TMTC2: variants seen among roughly 807,000 people sequenced by gnomAD.
The protein encoded by TMTC2 is transmembrane O-mannosyltransferase targeting cadherins 2, also known as protein O-mannosyl-transferase TMTC2.
A neutral mutation model predicts 82.4 loss-of-function variants in TMTC2; 43 were observed. The observed-to-expected ratio is 0.52, with a 90% CI of 0.41 to 0.67. The LOEUF is 0.67. TMTC2 is among the 30% of genes least tolerant of loss of function. The probability of loss-of-function intolerance (pLI) is 0.00; values close to 1 mark genes in which losing one functional copy is unlikely to be tolerated. For synonymous variants in TMTC2, 408 were observed against 381.9 expected (o/e 1.07, Z -0.80); for missense variants, 919 against 1,012.4 (o/e 0.91, Z 1.25).
intron 8 of TMTC2, among the ~76,000 whole-genome samples, chr12:82,992,238 G>T (rs1453053126): frequency 6.6e-6 from 1 of 152,122 alleles, no homozygotes; most frequent in Non-Finnish European, 1.5e-5. Context: ...TGGGCCTTTT[G>T]CTATTATTAT....
chr12:82,723,147 A>G (rs1874290818), intron 1 of TMTC2, among the ~76,000 whole-genome samples: 1 of 152,234 alleles, frequency 6.6e-6, no homozygotes, highest in African/African-American at 2.4e-5. Context: ...TAAAGGAGAA[A>G]CATAATCACA....
intron 1 of TMTC2, among the ~76,000 whole-genome samples, chr12:82,843,656 A>G (rs1870468741): frequency 6.6e-6 from 1 of 151,976 alleles, no homozygotes; most frequent in Non-Finnish European, 1.5e-5. Flanking sequence ...GGGTAAAGAA[A>G]GGTGATTTGG....
In TMTC2 at chr12:82,789,859, G is replaced by C. The variant is rs547710252; in HGVS notation, c.84-67151G>C. On this transcript the variant is annotated intron_variant, in intron 1 of 11. Coordinates refer to ENST00000321196, the MANE Select transcript of TMTC2 (RefSeq NM_152588.3). ...TTTTCACATCTAACTGGTAAAGTAGGCAAGACAAGTACTATTAATGTTATC... is the reference window on the plus strand; with the variant it reads ...TTTTCACATCTAACTGGTAAAGTAGCCAAGACAAGTACTATTAATGTTATC... Among the ~76,000 whole-genome samples the C allele has an allele frequency of 2.0e-5, 3 of 152,206 alleles. No individual in the cohort carries two copies. The East Asian group carries it at 5.8e-4, about 29-fold the overall frequency.
At chr12:83,025,853 C>T (rs1881147330) in intron 8 of TMTC2, among the ~76,000 whole-genome samples, 1 of 152,140 alleles carries the variant, frequency 6.6e-6, no homozygotes. Flanking sequence ...ATTGAACAGC[C>T]AGATAAAGAG....
chr12:82,882,229 G>A (rs1230912259), intron 2 of TMTC2, among the ~76,000 whole-genome samples: 1 of 151,666 alleles, frequency 6.6e-6, no homozygotes, highest in African/African-American at 2.4e-5. Flanking sequence ...TCGATCTCCT[G>A]ACCTCGTGAT....
At chr12:83,006,045 C>G (rs958596313) in intron 8 of TMTC2, among the ~76,000 whole-genome samples, 6 of 152,304 alleles carry the variant, frequency 3.9e-5, no homozygotes, top group African/African-American at 1.4e-4. Flanking sequence ...GGCAGTCCCC[C>G]CTACCAGCTC....
rs776775154 is a variant in TMTC2, at chr12:82,896,575, C to A, written c.1412C>A (p.Ala471Glu). ...ATTGTTTTTTATGGACTCAAGACTGCGATCAGGAATGGAGACTGGCAGAAT... is the reference window on the plus strand; with the variant it reads ...ATTGTTTTTTATGGACTCAAGACTGAGATCAGGAATGGAGACTGGCAGAAT... ...TLIVFYGLKT[A>E]IRNGDWQNEE... is the part of the protein sequence containing the mutation. The change falls in exon 3 of 12, where the codon GCG becomes GAG. Residue 471 changes from alanine (A) to glutamate (E), a missense_variant. Coordinates refer to ENST00000321196, the MANE Select transcript of TMTC2 (RefSeq NM_152588.3). 4.3e-6 allele frequency: 7 copies of A among 1,613,822 alleles called. No homozygotes were observed. Among genetic ancestry groups the A allele is most frequent in the African/African-American group, 1.3e-5 (1 of 74,846 alleles).
intron 3 of TMTC2, among the ~76,000 whole-genome samples, chr12:82,909,806 A>G (rs1200979513): frequency 6.6e-6 from 1 of 152,248 alleles, no homozygotes; most frequent in East Asian, 1.9e-4. Context: ...CCTATGAAAT[A>G]TCTTCAAATC....
At chr12:82,816,392 A>G (rs1434277272) in intron 1 of TMTC2, among the ~76,000 whole-genome samples, 1 of 152,016 alleles carries the variant, frequency 6.6e-6, no homozygotes, top group African/African-American at 2.4e-5. Flanking sequence ...GATGTCCCTC[A>G]CCCTAGAAAT....
At chr12:82,722,685 T>C (rs1057272002) in intron 1 of TMTC2, among the ~76,000 whole-genome samples, 1 of 151,646 alleles carries the variant, frequency 6.6e-6, no homozygotes, top group African/African-American at 2.4e-5. Flanking sequence ...GAGGCTGCAG[T>C]GAGTTGAGAT....
intron 3 of TMTC2, among the ~76,000 whole-genome samples, chr12:82,897,359 T>A (rs1873737940): frequency 6.6e-6 from 1 of 152,168 alleles, no homozygotes; most frequent in Non-Finnish European, 1.5e-5. Flanking sequence ...GAGTAGAAAG[T>A]AGTTTCCTTT....
chr12:82,912,829 T>C (rs550229195), intron 3 of TMTC2, among the ~76,000 whole-genome samples: 16 of 151,538 alleles, frequency 1.1e-4, no homozygotes, highest in Admixed American at 5.9e-4. Context: ...TTGCAGCTAC[T>C]TGGGGGGCTG....
chr12:82,894,558 G>A (rs893115434), intron 2 of TMTC2, among the ~76,000 whole-genome samples: 14 of 152,074 alleles, frequency 9.2e-5, no homozygotes, highest in African/African-American at 3.4e-4. Flanking sequence ...TCTATACAAC[G>A]CCAGGATGTT....
At chr12:83,081,964 AGAGT>A (rs1196790956) in intron 11 of TMTC2, among the ~76,000 whole-genome samples, 8 of 152,344 alleles carry the variant, frequency 5.3e-5, no homozygotes, top group South Asian at 2.1e-4. Context: ...CCTGGGCAAC[AGAGT>A]GAGACCCTAT....
intron 1 of TMTC2, among the ~76,000 whole-genome samples, chr12:82,787,212 T>C (rs1438378985): frequency 6.6e-6 from 1 of 152,132 alleles, no homozygotes; most frequent in Non-Finnish European, 1.5e-5. Flanking sequence ...CTCCCAGAGT[T>C]AATTTTAGAT....
At chr12:82,863,432 C>A (rs1871652306) in intron 2 of TMTC2, among the ~76,000 whole-genome samples, 1 of 152,192 alleles carries the variant, frequency 6.6e-6, no homozygotes, top group Non-Finnish European at 1.5e-5. Flanking sequence ...AAACTTGTGG[C>A]ATTTAATATT....
At chr12:83,118,859 C>T (rs1456673990) in intron 11 of TMTC2, among the ~76,000 whole-genome samples, 2 of 152,060 alleles carry the variant, frequency 1.3e-5, no homozygotes, top group African/African-American at 4.8e-5. Context: ...TTCAGGGTGT[C>T]TAATTCTTCC....
chr12:82,774,847 TGTC>T (rs1348029441), intron 1 of TMTC2, among the ~76,000 whole-genome samples: 1 of 151,936 alleles, frequency 6.6e-6, no homozygotes, highest in Non-Finnish European at 1.5e-5. Flanking sequence ...GTTTGCTGCC[TGTC>T]ATTTTTCTGC....
chr12:83,017,979 T>A (rs1046558915), intron 8 of TMTC2, among the ~76,000 whole-genome samples: 2 of 149,620 alleles, frequency 1.3e-5, no homozygotes, highest in African/African-American at 4.9e-5. Context: ...TAAACCTCTA[T>A]GTTCTTAATA....
Sources: gnomAD v4.1 joint callset for allele counts (sites outside exome capture counted in the v4.1 genomes callset) on GRCh38, gnomAD v4.1.1 for gene constraint, MANE v1.5 for transcripts, NCBI Gene and HGNC (gene_info 2026-07-23, HGNC 2026-07-21) for gene names.